The following CACNA1B variants were observed in gnomAD, a reference collection of about 807,000 sequenced individuals.
The protein encoded by CACNA1B is calcium voltage-gated channel subunit alpha1 B, also known as voltage-dependent N-type calcium channel subunit alpha-1B.
Under a neutral mutation model 247.2 loss-of-function variants are expected in CACNA1B, and 70 were observed. The ratio of observed to expected loss-of-function variants is 0.28; its 90% CI spans 0.23 to 0.35. The LOEUF is 0.35. Ranked by LOEUF, CACNA1B falls within the 10% of genes least tolerant of loss-of-function variation. CACNA1B has a pLI of 1.00. For missense variants in CACNA1B, 2,367 were observed against 3,197.4 expected (o/e 0.74, Z 6.26); for synonymous variants, 1,231 against 1,294.4 (o/e 0.95, Z 1.05).
intron 3 of CACNA1B, among the ~76,000 whole-genome samples, chr9:137,897,264 A>T (rs1400117221): frequency 6.6e-6 from 1 of 151,976 alleles, no homozygotes; most frequent in Non-Finnish European, 1.5e-5. Flanking sequence ...TTTTTTTCTA[A>T]CATATACATA....
At chr9:137,945,678 A>G (rs1957787443) in intron 6 of CACNA1B, among the ~76,000 whole-genome samples, 1 of 152,352 alleles carries the variant, frequency 6.6e-6, no homozygotes. Flanking sequence ...ATACCACTTA[A>G]AACAATCCTT....
chr9:137,911,369 G>T (rs1957357743), intron 3 of CACNA1B, among the ~76,000 whole-genome samples: 1 of 151,982 alleles, frequency 6.6e-6, no homozygotes, highest in African/African-American at 2.4e-5. Context: ...GAATAGAAGG[G>T]TTTTTATTGT....
In CACNA1B at chr9:137,954,993, G is replaced by A. The variant is rs1957930184; in HGVS notation, c.1071-705G>A. On this transcript the variant is annotated intron_variant, in intron 7 of 46. Coordinates refer to ENST00000371372, the MANE Select transcript of CACNA1B (RefSeq NM_000718.4). The surrounding 1 kb of genome is among the most constrained non-coding windows in gnomAD (Gnocchi z 4.1). ...GCTGGGGCTGGGCTGGGGATGCTGA[G>A]CTGGAAGGGCAAGTGTTCTCTGCTG... is the stretch of plus-strand genomic sequence containing the variant. Among the ~76,000 whole-genome samples the A allele has an allele frequency of 1.3e-5, 2 of 151,994 alleles. No homozygotes were observed. The highest frequency in any genetic ancestry group is 1.3e-4 in the Admixed American group (2 of 15,274).
In CACNA1B at chr9:138,098,291, C is replaced by G. The variant is rs142517481; in HGVS notation, c.5222+1680C>G. ...CTGTGGTCAAGTAAGCCCAGTCGAC[C>G]TGGGGGAGACTGACCACATTGAAGA... On this transcript the variant is annotated intron_variant, in intron 37 of 46. Transcript: ENST00000371372. 5.3e-3 allele frequency among the ~76,000 whole-genome samples: 800 copies of G among 152,258 alleles called. 6 individuals carry two copies. The highest frequency in any genetic ancestry group is 0.019 in the African/African-American group (769 of 41,540).
In CACNA1B at chr9:138,102,929, G is replaced by A; in HGVS notation, c.5319+122G>A. 1 of 610,570 alleles carries A rather than the reference G, an allele frequency of 1.6e-6. No homozygotes were observed. The allele number at this position is 610,570 out of a possible 1,614,324, so 37.8% of individuals were successfully genotyped here. A position where few individuals can be genotyped will look rare whatever the true frequency, so the allele number is the denominator to read the frequency against. On this transcript the variant is annotated intron_variant, in intron 38 of 46. Transcript: ENST00000371372. The surrounding 1 kb of genome is among the most constrained non-coding windows in gnomAD (Gnocchi z 5.4). ...CCGGCTGTCTGTCTGCCGCTCTGCT[G>A]TGCGCCCCCGGCTGCCTCACTGTGT... is the stretch of plus-strand genomic sequence containing the variant.
At chr9:138,047,547 A>G (rs747307726) in intron 23 of CACNA1B, 89 bp downstream of exon 23, 29 of 882,048 alleles carry the variant, frequency 3.3e-5, no homozygotes, top group Non-Finnish European at 4.9e-5. Context: ...TTGAACCACA[A>G]TTTCTATAAA....
intron 3 of CACNA1B, among the ~76,000 whole-genome samples, chr9:137,894,175 A>G (rs1957143708): frequency 6.6e-6 from 1 of 152,148 alleles, no homozygotes; most frequent in Non-Finnish European, 1.5e-5. Flanking sequence ...GCCATGCTGT[A>G]GTCACATTTT....
chr9:137,908,255 C>T (rs1588997749), intron 3 of CACNA1B, among the ~76,000 whole-genome samples: 1 of 152,160 alleles, frequency 6.6e-6, no homozygotes, highest in Non-Finnish European at 1.5e-5. Flanking sequence ...GTGGCTCACG[C>T]CTGTAATCCC....
rs1960203592 is a variant in CACNA1B, at chr9:138,073,482, C to T, written c.4675-6C>T. 2 of 1,591,666 alleles carry T rather than the reference C, an allele frequency of 1.3e-6. No homozygotes were observed. The highest frequency in any genetic ancestry group is 1.7e-5 in the Admixed American group (1 of 59,992). On this transcript the variant is annotated splice_polypyrimidine_tract_variant and splice_region_variant and intron_variant, in intron 32 of 46. Coordinates refer to ENST00000371372, the MANE Select transcript of CACNA1B (RefSeq NM_000718.4). This position sits in a 1 kb window ranked among gnomAD's most constrained non-coding sequence, Gnocchi z 6.4. ...AAGGTCAGAGAACAATTCCTCTTCT[C>T]TGCAGAACAATTTCATCAACCTCAG...
Position 138,073,675 on chromosome 9 carries a change from G to T in CACNA1B, c.4791+71G>T. 1.1e-6 allele frequency: 1 copy of T among 899,098 alleles called. No homozygotes were observed. Among genetic ancestry groups the T allele is most frequent in the South Asian group, 1.3e-5 (1 of 74,794 alleles). 55.7% of individuals were successfully genotyped at this position (899,098 alleles called of 1,614,324 possible). On this transcript the variant is annotated intron_variant, in intron 33 of 46. Transcript: ENST00000371372. The surrounding 1 kb of genome is among the most constrained non-coding windows in gnomAD (Gnocchi z 6.4). ...TCTTGCTTCCCCTGCCCCCACCACA[G>T]TGGCCCCTCCTTTGGGAGGCTGGGA... is the stretch of plus-strand genomic sequence containing the variant.
At chr9:138,110,634 C>T (rs376223304) in intron 39 of CACNA1B, among the ~76,000 whole-genome samples, 15 of 152,038 alleles carry the variant, frequency 9.9e-5, no homozygotes, top group East Asian at 5.8e-4. Flanking sequence ...CAGGAGGCTA[C>T]GGCGGAAGGA....
At position 138,121,373 on chromosome 9, in the gene CACNA1B, C is replaced by T; in HGVS notation, c.6490-96C>T. ...CCATTGCCTCCCTCTCTCCTCCCATCCCCCCAGGCACCTGTGTGTGATGTG... is the reference window on the plus strand; with the variant it reads ...CCATTGCCTCCCTCTCTCCTCCCATTCCCCCAGGCACCTGTGTGTGATGTG... On this transcript the variant is annotated intron_variant, in intron 46 of 46. Coordinates refer to ENST00000371372, the MANE Select transcript of CACNA1B (RefSeq NM_000718.4). This position sits in a 1 kb window ranked among gnomAD's most constrained non-coding sequence, Gnocchi z 6.8. 2.1e-6 allele frequency: 2 copies of T among 959,814 alleles called. No individual in the cohort carries two copies. Among genetic ancestry groups the T allele is most frequent in the South Asian group, 1.9e-5 (1 of 53,920 alleles). 59.5% of individuals were successfully genotyped at this position (959,814 alleles called of 1,614,324 possible).
At chr9:138,082,267 T>C (rs1224218317) in intron 36 of CACNA1B, among the ~76,000 whole-genome samples, 1 of 151,442 alleles carries the variant, frequency 6.6e-6, no homozygotes, top group Non-Finnish European at 1.5e-5. Flanking sequence ...AATATCAGAA[T>C]TGTTGAAAGA....
intron 13 of CACNA1B, 69 bp downstream of exon 13, chr9:137,984,319 G>C: frequency 9.0e-7 from 1 of 1,113,400 alleles, no homozygotes; most frequent in Non-Finnish European, 1.3e-6. Flanking sequence ...GCCACACAGG[G>C]TGCTTGTCCC....
rs200845727 is a variant in CACNA1B at position 137,957,643 on chromosome 9, A to G, written c.1289A>G (p.His430Arg). The stretch of plus-strand genomic sequence containing the variant: ...AAGAAGAGCAGAAATGACCTGATCC[A>G]CGCAGAGGAGGGAGAGGACCGGTTT... ...ATKKSRNDLI[H>R]AEEGEDRFAD... Residue 430 changes from histidine (H) to arginine (R), a missense_variant, in exon 10 of 47, where the codon CAC becomes CGC. Physicochemically the swap from His to Arg is conservative, Grantham distance 29. Coordinates refer to ENST00000371372, the MANE Select transcript of CACNA1B (RefSeq NM_000718.4). This position sits in a 1 kb window ranked among gnomAD's most constrained non-coding sequence, Gnocchi z 4.7. The G allele has an allele frequency of 5.4e-5, 87 of 1,603,868 alleles. No homozygotes were observed. The highest frequency in any genetic ancestry group is 7.1e-5 in the Non-Finnish European group (83 of 1,175,534).
rs1167760275 is a variant in CACNA1B at position 137,955,337 on chromosome 9, G to A, written c.1071-361G>A. Among the ~76,000 whole-genome samples, 1 of 152,210 alleles carries A rather than the reference G, an allele frequency of 6.6e-6. No individual in the cohort carries two copies. Among genetic ancestry groups the A allele is most frequent in the Non-Finnish European group, 1.5e-5 (1 of 68,040 alleles). ...GATAACAGAGCCTGGCACAAGGGGAGGGAGGAGGCGCATGCCTAGGTTGCT... is the reference window on the plus strand; with the variant it reads ...GATAACAGAGCCTGGCACAAGGGGAAGGAGGAGGCGCATGCCTAGGTTGCT... On this transcript the variant is annotated intron_variant, in intron 7 of 46. Coordinates refer to ENST00000371372, the MANE Select transcript of CACNA1B (RefSeq NM_000718.4). The surrounding 1 kb of genome is among the most constrained non-coding windows in gnomAD (Gnocchi z 6.9).
chr9:137,943,786 G>A (rs574380541), intron 6 of CACNA1B, among the ~76,000 whole-genome samples: 37 of 152,260 alleles, frequency 2.4e-4, no homozygotes, highest in Middle Eastern at 6.8e-3. Context: ...TTGCAAGACC[G>A]CATTCTTTGA....
At chr9:138,109,453 T>A (rs752814459) in intron 39 of CACNA1B, among the ~76,000 whole-genome samples, 1 of 152,238 alleles carries the variant, frequency 6.6e-6, no homozygotes. Context: ...TTCTCTTGGC[T>A]GGTAAACAGC....
chr9:138,023,948 C>A, intron 19 of CACNA1B, 137 bp downstream of exon 19: 1 of 598,532 alleles, frequency 1.7e-6, no homozygotes, highest in Admixed American at 3.1e-5. Flanking sequence ...GCCGTCGGGG[C>A]TGGGGTCTCT....
Sources: allele counts gnomAD v4.1 joint callset (sites outside exome capture counted in the v4.1 genomes callset), GRCh38; gene constraint gnomAD v4.1.1; non-coding constraint Gnocchi (gnomAD v3.1); transcripts MANE v1.5; gene names NCBI Gene and HGNC (gene_info 2026-07-23, HGNC 2026-07-21).